The following TNIK variants were observed in gnomAD, a reference collection of about 807,000 sequenced individuals.
TNIK encodes TRAF2 and NCK-interacting protein kinase.
TNIK carries 49 observed loss-of-function variants against 191.3 expected under a neutral mutation model. The ratio of observed to expected loss-of-function variants is 0.26; its 90% CI spans 0.20 to 0.32. TNIK has a LOEUF of 0.32. Ranked by LOEUF, TNIK falls within the 10% of genes least tolerant of loss-of-function variation. The pLI is 1.00. For synonymous variants in TNIK, 594 were observed against 600.9 expected (o/e 0.99, Z 0.17); for missense variants, 1,155 against 1,702.3 (o/e 0.68, Z 5.66).
At chr3:171,250,261 A>T (rs970707815) in intron 2 of TNIK, among the ~76,000 whole-genome samples, 1 of 152,176 alleles carries the variant, frequency 6.6e-6, no homozygotes, top group Admixed American at 6.5e-5. Flanking sequence ...TTCATGGGAC[A>T]GGCCTTGGAG....
At chr3:171,319,950 C>T (rs1463653093) in intron 2 of TNIK, among the ~76,000 whole-genome samples, 1 of 152,164 alleles carries the variant, frequency 6.6e-6, no homozygotes, top group Non-Finnish European at 1.5e-5. Context: ...TCAGCCCTCA[C>T]CCAATCTTGG....
intron 23 of TNIK, among the ~76,000 whole-genome samples, chr3:171,092,580 G>A (rs1722210990): frequency 1.3e-5 from 2 of 152,180 alleles, no homozygotes; most frequent in African/African-American, 4.8e-5. Context: ...ACTACACAAT[G>A]TCAATTTCAG....
chr3:171,232,960 T>C (rs1211647688), intron 2 of TNIK, among the ~76,000 whole-genome samples: 2 of 152,236 alleles, frequency 1.3e-5, no homozygotes, highest in Non-Finnish European at 2.9e-5. Flanking sequence ...GTTGTTATTT[T>C]CTAAGGAAGA....
At chr3:171,404,898 T>A (rs1455136514) in intron 1 of TNIK, among the ~76,000 whole-genome samples, 4 of 152,140 alleles carry the variant, frequency 2.6e-5, no homozygotes, top group Admixed American at 6.5e-5. Context: ...CTATAACACA[T>A]CAGCTTGATT....
chr3:171,102,624 T>TA (rs1723768042), intron 21 of TNIK, among the ~76,000 whole-genome samples: 1 of 152,214 alleles, frequency 6.6e-6, no homozygotes, highest in Admixed American at 6.5e-5. Flanking sequence ...ACATCAGTCT[T>TA]ACCATTTCTC....
intron 1 of TNIK, 66 bp downstream of exon 1, chr3:171,459,941 C>A: frequency 3.1e-6 from 4 of 1,286,300 alleles, no homozygotes; most frequent in Non-Finnish European, 4.4e-6. Flanking sequence ...AGCCCCCAGT[C>A]CACGCACCGA....
At position 171,160,720 on chromosome 3, in the gene TNIK, G is replaced by A. The variant is rs145582229; in HGVS notation, c.1016+550C>T. ...ACAATAAAACAGCCCTGGATTCTGA[G>A]GTCCAACAGGTGACAACAGGAATGG... On this transcript the variant is annotated intron_variant, in intron 11 of 32. Coordinates refer to ENST00000436636, the MANE Select transcript of TNIK (RefSeq NM_015028.4). Among the ~76,000 whole-genome samples the A allele has an allele frequency of 3.5e-4, 54 of 152,152 alleles. No individual in the cohort carries two copies. The East Asian group carries it at 0.01, about 28-fold the overall frequency.
intron 2 of TNIK, among the ~76,000 whole-genome samples, chr3:171,316,364 G>A (rs1395502747): frequency 2.6e-5 from 4 of 152,148 alleles, no homozygotes; most frequent in Non-Finnish European, 5.9e-5. Context: ...TAGAGAGAAA[G>A]AAATAATTGA....
At chr3:171,207,222 G>A (rs1740203095) in intron 4 of TNIK, among the ~76,000 whole-genome samples, 1 of 152,058 alleles carries the variant, frequency 6.6e-6, no homozygotes, top group South Asian at 2.1e-4. Flanking sequence ...TCATAAGGTA[G>A]TTCTATTTCC....
chr3:171,186,262 A>G (rs985959336), intron 7 of TNIK, among the ~76,000 whole-genome samples: 2 of 152,240 alleles, frequency 1.3e-5, no homozygotes, highest in Non-Finnish European at 2.9e-5. Flanking sequence ...AGAAGTAGTA[A>G]GGTTATTTAA....
intron 2 of TNIK, among the ~76,000 whole-genome samples, chr3:171,363,889 T>C (rs1715332293): frequency 6.6e-6 from 1 of 152,228 alleles, no homozygotes; most frequent in East Asian, 1.9e-4. Flanking sequence ...GTCAAATCTT[T>C]GAATAAGCCA....
intron 1 of TNIK, among the ~76,000 whole-genome samples, chr3:171,380,939 C>T (rs192246873): frequency 6.6e-5 from 10 of 152,360 alleles, no homozygotes; most frequent in African/African-American, 1.7e-4. Flanking sequence ...TGTCATCTGG[C>T]AGAGGTACAA....
intron 1 of TNIK, among the ~76,000 whole-genome samples, chr3:171,403,899 C>T (rs1721312289): frequency 6.6e-6 from 1 of 152,162 alleles, no homozygotes; most frequent in South Asian, 2.1e-4. Flanking sequence ...TTTACTTGTT[C>T]TTTTGACAGC....
chr3:171,392,286 A>G (rs1263047767), intron 1 of TNIK, among the ~76,000 whole-genome samples: 2 of 152,202 alleles, frequency 1.3e-5, no homozygotes, highest in Admixed American at 6.5e-5. Flanking sequence ...TGAAAACTGT[A>G]TATTGAAAAG....
chr3:171,136,082 T>G (rs1269860160), intron 15 of TNIK, among the ~76,000 whole-genome samples: 1 of 152,192 alleles, frequency 6.6e-6, no homozygotes, highest in East Asian at 1.9e-4. Context: ...TTCCCCCTCT[T>G]CTGGTACATT....
intron 12 of TNIK, among the ~76,000 whole-genome samples, chr3:171,144,832 T>G (rs563037460): frequency 1.3e-5 from 2 of 152,190 alleles, no homozygotes; most frequent in African/African-American, 4.8e-5. Context: ...ACATCTTAGA[T>G]TCCACCAGTG....
At chr3:171,275,421 A>G (rs899859085) in intron 2 of TNIK, among the ~76,000 whole-genome samples, 1 of 139,858 alleles carries the variant, frequency 7.2e-6, no homozygotes. Flanking sequence ...TCAAAAATTT[A>G]AAAGAGAGCC....
At chr3:171,196,488 G>A (rs1487424547) in intron 4 of TNIK, among the ~76,000 whole-genome samples, 3 of 152,100 alleles carry the variant, frequency 2.0e-5, no homozygotes, top group East Asian at 3.9e-4. Context: ...GAAATTCAGA[G>A]GACTGAGGAA....
At chr3:171,357,109 ATTCTC>A (rs1352671346) in intron 2 of TNIK, among the ~76,000 whole-genome samples, 8 of 152,148 alleles carry the variant, frequency 5.3e-5, no homozygotes, top group Admixed American at 3.9e-4. Flanking sequence ...TCTTTGTCCT[ATTCTC>A]TTCTGTCATA....
Sources: gnomAD v4.1 joint callset for allele counts (sites outside exome capture counted in the v4.1 genomes callset) on GRCh38, gnomAD v4.1.1 for gene constraint, MANE v1.5 for transcripts, NCBI Gene and HGNC (gene_info 2026-07-23, HGNC 2026-07-21) for gene names.